Variants in CNTNAP4 observed in about 807,000 individuals in gnomAD.
CNTNAP4 encodes contactin associated protein family member 4, also known as contactin-associated protein-like 4.
A neutral mutation model predicts 148.4 loss-of-function variants in CNTNAP4; 98 were observed. That is an observed-to-expected ratio of 0.66 (90% CI 0.56 to 0.78). The LOEUF (loss-of-function observed/expected upper bound fraction) is 0.78, where lower values mean the gene tolerates loss of function less well. Among genes scored for constraint, CNTNAP4 ranks in the 30% least tolerant of loss-of-function variants. CNTNAP4 has a pLI of 0.00. For synonymous variants in CNTNAP4, 730 were observed against 565.1 expected (o/e 1.29, Z -4.14); for missense variants, 1,935 against 1,565.6 (o/e 1.24, Z -3.98).
chr16:76,527,335 G>A (rs1447725674), intron 17 of CNTNAP4, among the ~76,000 whole-genome samples: 2 of 152,090 alleles, frequency 1.3e-5, no homozygotes, highest in African/African-American at 4.8e-5. Context: ...CTCAGAGCTG[G>A]TGACTCCGTG....
At chr16:76,460,773 A>AAAAAATATATATAT in intron 8 of CNTNAP4, among the ~76,000 whole-genome samples, 11 of 57,320 alleles carry the variant, frequency 1.9e-4, no homozygotes, top group African/African-American at 6.4e-4. Context: ...AAAAAAAAAA[A>AAAAAATATATATAT]ATATATATAT....
chr16:76,470,997 C>A (rs1348138079), intron 10 of CNTNAP4, among the ~76,000 whole-genome samples: 1 of 151,980 alleles, frequency 6.6e-6, no homozygotes, highest in East Asian at 1.9e-4. Context: ...TACTCATGCA[C>A]ACTCACACAC....
intron 4 of CNTNAP4, among the ~76,000 whole-genome samples, chr16:76,446,444 T>C (rs1320042588): frequency 1.3e-5 from 2 of 152,192 alleles, no homozygotes; most frequent in Admixed American, 6.5e-5. Flanking sequence ...CCAAGTGTTA[T>C]GAGTTCTTTT....
intron 12 of CNTNAP4, among the ~76,000 whole-genome samples, chr16:76,486,634 G>C (rs2082038600): frequency 6.6e-6 from 1 of 152,178 alleles, no homozygotes; most frequent in Non-Finnish European, 1.5e-5. Flanking sequence ...GAATTGCTCT[G>C]AAGAGATTTA....
chr16:76,497,209 A>T lies in CNTNAP4; in HGVS notation c.2238-1358A>T, dbSNP rs1040071292. ...ACTGTTTACTTTTATTATAAAGTTT[A>T]TAACATATGGATTTACAATATATTA... On this transcript the variant is annotated intron_variant, in intron 14 of 23. Transcript: ENST00000611870. 2.6e-5 allele frequency among the ~76,000 whole-genome samples: 4 copies of T among 152,106 alleles called. No homozygotes were observed. The East Asian group carries it at 7.7e-4, about 29-fold the overall frequency.
chr16:76,463,133 G>A (rs1341590606), intron 9 of CNTNAP4, among the ~76,000 whole-genome samples: 1 of 152,078 alleles, frequency 6.6e-6, no homozygotes, highest in Non-Finnish European at 1.5e-5. Context: ...GTTTAAACCG[G>A]GCTGCTTATA....
At chr16:76,507,329 A>C (rs2082869287) in intron 15 of CNTNAP4, among the ~76,000 whole-genome samples, 1 of 96,424 alleles carries the variant, frequency 1.0e-5, no homozygotes, top group Non-Finnish European at 2.9e-5. Context: ...CTTTCTAACT[A>C]TTTTTCTGTA....
In CNTNAP4 at chr16:76,505,243, G is replaced by T. The variant is rs374109183; in HGVS notation, c.2365+6549G>T. On this transcript the variant is annotated intron_variant, in intron 15 of 23. Coordinates refer to ENST00000611870, the MANE Select transcript of CNTNAP4 (RefSeq NM_033401.5). The stretch of plus-strand genomic sequence containing the variant: ...TTTATCAACTAGTGAAAGGATACAC[G>T]TTCCATTTTACTGTGGTGTACCCAC... Among the ~76,000 whole-genome samples the T allele has an allele frequency of 1.2e-4, 5 of 41,310 alleles. 1 individual carries two copies. The highest frequency in any genetic ancestry group is 3.2e-4 in the Non-Finnish European group (2 of 6,284). 27.1% of individuals were successfully genotyped at this position (41,310 alleles called of 152,430 possible).
chr16:76,287,527 T>C (rs1393630650), intron 1 of CNTNAP4: 1 of 152,234 alleles, frequency 6.6e-6, no homozygotes, highest in Non-Finnish European at 1.5e-5. Context: ...GGTAGTACCA[T>C]TAATCACTGA....
intron 3 of CNTNAP4, among the ~76,000 whole-genome samples, chr16:76,404,598 A>C (rs1256213652): frequency 2.0e-5 from 3 of 152,150 alleles, no homozygotes; most frequent in African/African-American, 7.2e-5. Context: ...AGTGTTTTGA[A>C]AATTTGATAA....
chr16:76,461,310 G>A (rs1032524524), intron 8 of CNTNAP4, among the ~76,000 whole-genome samples: 2 of 152,138 alleles, frequency 1.3e-5, no homozygotes, highest in Admixed American at 6.5e-5. Context: ...GCCGCTTAAG[G>A]TCTTTACTGC....
intron 13 of CNTNAP4, among the ~76,000 whole-genome samples, chr16:76,493,311 G>A (rs1441595260): frequency 6.6e-6 from 1 of 152,138 alleles, no homozygotes; most frequent in Admixed American, 6.6e-5. Flanking sequence ...GTTTTCTGCT[G>A]CTGAGGATCT....
intron 2 of CNTNAP4, among the ~76,000 whole-genome samples, chr16:76,347,614 G>A (rs1054065371): frequency 2.6e-5 from 4 of 152,126 alleles, no homozygotes; most frequent in Non-Finnish European, 5.9e-5. Flanking sequence ...GGAGATACAA[G>A]CCTCTAAGAC....
intron 15 of CNTNAP4, among the ~76,000 whole-genome samples, chr16:76,503,384 G>C (rs1300731846): frequency 1.3e-5 from 2 of 152,042 alleles, no homozygotes; most frequent in Non-Finnish European, 2.9e-5. Flanking sequence ...AATTACTTTT[G>C]CACCAACCTT....
intron 3 of CNTNAP4, among the ~76,000 whole-genome samples, chr16:76,358,467 G>A (rs2144524092): frequency 6.6e-6 from 1 of 152,322 alleles, no homozygotes; most frequent in South Asian, 2.1e-4. Flanking sequence ...GACAGAATAT[G>A]GAGATCATTG....
At chr16:76,499,627 T>C (rs1239981419) in intron 15 of CNTNAP4, among the ~76,000 whole-genome samples, 3 of 151,066 alleles carry the variant, frequency 2.0e-5, no homozygotes, top group African/African-American at 4.9e-5. Flanking sequence ...GGCAGGGTCA[T>C]AGGACAATAG....
chr16:76,510,287 A>G (rs1173163601), intron 15 of CNTNAP4, among the ~76,000 whole-genome samples: 1 of 152,050 alleles, frequency 6.6e-6, no homozygotes, highest in Non-Finnish European at 1.5e-5. Context: ...TTAGCATCAT[A>G]TTGTCAAGGA....
chr16:76,329,123 G>T (rs905246479), intron 2 of CNTNAP4, among the ~76,000 whole-genome samples: 1 of 152,226 alleles, frequency 6.6e-6, no homozygotes, highest in African/African-American at 2.4e-5. Flanking sequence ...ATATTTGTGT[G>T]TGCCTGTATA....
At chr16:76,356,885 C>G (rs931758227) in intron 3 of CNTNAP4, among the ~76,000 whole-genome samples, 4 of 152,058 alleles carry the variant, frequency 2.6e-5, no homozygotes, top group Non-Finnish European at 4.4e-5. Flanking sequence ...GCCATTCAAT[C>G]CATGCTTATT....
Sources: gnomAD v4.1 joint callset for allele counts (sites outside exome capture counted in the v4.1 genomes callset) on GRCh38, gnomAD v4.1.1 for gene constraint, MANE v1.5 for transcripts, NCBI Gene and HGNC (gene_info 2026-07-23, HGNC 2026-07-21) for gene names.